DLG2: variants seen among roughly 807,000 people sequenced by gnomAD.
DLG2 encodes the protein discs large MAGUK scaffold protein 2, also known as disks large homolog 2.
Under a neutral mutation model 132.5 loss-of-function variants are expected in DLG2, and 45 were observed. That is an observed-to-expected ratio of 0.34 (90% CI 0.27 to 0.44). The LOEUF is 0.44. Ranked by LOEUF, DLG2 falls within the 20% of genes least tolerant of loss-of-function variation. The pLI is 1.00. For missense variants in DLG2, 1,045 were observed against 1,196.9 expected (o/e 0.87, Z 1.87); for synonymous variants, 424 against 419.6 (o/e 1.01, Z -0.13).
chr11:83,522,814 C>A (rs28617697), intron 21 of DLG2, among the ~76,000 whole-genome samples: 28 of 94,084 alleles, frequency 3.0e-4, no homozygotes, highest in South Asian at 1.9e-3. Flanking sequence ...GCCCCCCCCC[C>A]CTTTTTTTTT....
chr11:85,390,138 C>T (rs1299210564), intron 3 of DLG2, among the ~76,000 whole-genome samples: 2 of 152,002 alleles, frequency 1.3e-5, no homozygotes, highest in East Asian at 1.9e-4. Flanking sequence ...CTCACATAAA[C>T]TTAAGGTAAA....
intron 6 of DLG2, among the ~76,000 whole-genome samples, chr11:84,933,199 T>C (rs1566437798): frequency 1.3e-5 from 2 of 152,128 alleles, no homozygotes; most frequent in South Asian, 4.1e-4. Context: ...GTCTTATTTC[T>C]AGGTTCTATT....
At chr11:83,999,060 C>A (rs2094196684) in intron 11 of DLG2, among the ~76,000 whole-genome samples, 3 of 152,308 alleles carry the variant, frequency 2.0e-5, no homozygotes, top group African/African-American at 7.2e-5. Flanking sequence ...GTCCAACCTT[C>A]CACAGTGGCA....
chr11:85,066,534 A>AAAT (rs1468820315), intron 6 of DLG2, among the ~76,000 whole-genome samples: 1 of 151,796 alleles, frequency 6.6e-6, no homozygotes, highest in East Asian at 1.9e-4. Flanking sequence ...ATAGAGGCAA[A>AAAT]AATTCTCAAC....
At chr11:85,231,946 G>A (rs1245714361) in intron 4 of DLG2, among the ~76,000 whole-genome samples, 2 of 151,556 alleles carry the variant, frequency 1.3e-5, no homozygotes, top group Middle Eastern at 3.2e-3. Flanking sequence ...CTGCACTCAC[G>A]CATCTTATTG....
intron 7 of DLG2, among the ~76,000 whole-genome samples, chr11:84,455,213 C>G (rs1391402695): frequency 6.6e-6 from 1 of 151,354 alleles, no homozygotes; most frequent in African/African-American, 2.4e-5. Context: ...AAATTTCACA[C>G]CTGTCCATTT....
At chr11:83,813,828 G>A (rs2048054519) in intron 17 of DLG2, among the ~76,000 whole-genome samples, 1 of 151,966 alleles carries the variant, frequency 6.6e-6, no homozygotes, top group South Asian at 2.1e-4. Flanking sequence ...ATCCTTCCAG[G>A]TGCGAAATGT....
intron 3 of DLG2, among the ~76,000 whole-genome samples, chr11:85,430,829 A>T (rs1380988816): frequency 7.0e-6 from 1 of 143,344 alleles, no homozygotes; most frequent in Non-Finnish European, 1.5e-5. Flanking sequence ...AGTTTTTTCT[A>T]ATGGAAAAGC....
intron 3 of DLG2, among the ~76,000 whole-genome samples, chr11:85,418,443 A>C (rs1431737969): frequency 6.6e-6 from 1 of 152,180 alleles, no homozygotes; most frequent in Non-Finnish European, 1.5e-5. Context: ...AGAGTTTTTT[A>C]GATGTCTATT....
At chr11:85,415,510 C>G (rs1335008828) in intron 3 of DLG2, among the ~76,000 whole-genome samples, 3 of 152,190 alleles carry the variant, frequency 2.0e-5, no homozygotes, top group African/African-American at 7.2e-5. Flanking sequence ...TCCACATCCT[C>G]TCCAGAATCT....
intron 3 of DLG2, among the ~76,000 whole-genome samples, chr11:85,420,807 G>C (rs2090238331): frequency 6.6e-6 from 1 of 152,110 alleles, no homozygotes; most frequent in Admixed American, 6.5e-5. Context: ...GAGCATCCCA[G>C]GTTGACTTCA....
rs112223006 is a variant in DLG2 at position 83,880,546 on chromosome 11, AG to A, written c.1497-6059del. Among the ~76,000 whole-genome samples the A allele has an allele frequency of 4.2e-3, 642 of 152,266 alleles. 7 individuals carry two copies. The highest frequency in any genetic ancestry group is 0.014 in the African/African-American group (582 of 41,540). On this transcript the variant is annotated intron_variant, in intron 15 of 27. Coordinates refer to ENST00000376104, the MANE Select transcript of DLG2 (RefSeq NM_001142699.3). ...GCCCTGTTTTTCCCAGGGTATAGGAAGAGTTGTGCTCTCTTCTGTGACTTTT... is the reference window on the plus strand; with the variant it reads ...GCCCTGTTTTTCCCAGGGTATAGGAAAGTTGTGCTCTCTTCTGTGACTTTT...
chr11:84,432,828 G>C (rs2098988783), intron 7 of DLG2, among the ~76,000 whole-genome samples: 1 of 152,076 alleles, frequency 6.6e-6, no homozygotes, highest in African/African-American at 2.4e-5. Flanking sequence ...TTCGAGACCA[G>C]CCTGGGCAAC....
intron 6 of DLG2, among the ~76,000 whole-genome samples, chr11:84,983,619 A>T (rs952066324): frequency 2.0e-5 from 3 of 152,224 alleles, no homozygotes; most frequent in African/African-American, 7.2e-5. Context: ...CACACAAGCT[A>T]ACCAGCCATG....
At chr11:85,025,728 T>A (rs1341483652) in intron 6 of DLG2, among the ~76,000 whole-genome samples, 2 of 152,288 alleles carry the variant, frequency 1.3e-5, no homozygotes, top group Admixed American at 6.5e-5. Context: ...TAAGAAGGTT[T>A]TGTCTATTCA....
chr11:84,863,175 G>A (rs757869960), intron 6 of DLG2, among the ~76,000 whole-genome samples: 54 of 151,826 alleles, frequency 3.6e-4, no homozygotes, highest in Non-Finnish European at 6.5e-4. Flanking sequence ...CTGTTTATGC[G>A]GCTGCAAAAG....
intron 3 of DLG2, among the ~76,000 whole-genome samples, chr11:85,400,483 G>A (rs1353295758): frequency 4.0e-5 from 6 of 149,240 alleles, no homozygotes; most frequent in African/African-American, 7.5e-5. Context: ...ACATGCACAC[G>A]TATGTTTATT....
At position 83,456,071 on chromosome 11, in the gene DLG2, T is replaced by A. The variant is rs1172621553; in HGVS notation, c.*3747A>T. 6.5e-6 allele frequency: 1 copy of A among 152,680 alleles called. No homozygotes were observed. Among genetic ancestry groups the A allele is most frequent in the East Asian group, 1.9e-4 (1 of 5,200 alleles). The allele number at this position is 152,680 out of a possible 1,614,324, so 9.5% of individuals were successfully genotyped here. A position where few individuals can be genotyped will look rare whatever the true frequency, so the allele number is the denominator to read the frequency against. ...AAAGCTTATGAATGGGAAAAAAATGTCTCTCTCCAAACCAAGGTGATGGCA... is the reference window on the plus strand; with the variant it reads ...AAAGCTTATGAATGGGAAAAAAATGACTCTCTCCAAACCAAGGTGATGGCA... On this transcript the variant is annotated 3_prime_UTR_variant, in exon 28 of 28. Transcript: ENST00000376104.
intron 18 of DLG2, among the ~76,000 whole-genome samples, chr11:83,656,104 G>A (rs1020284312): frequency 6.6e-6 from 1 of 152,160 alleles, no homozygotes; most frequent in African/African-American, 2.4e-5. Flanking sequence ...AGCACTTGCT[G>A]GTTTTGCAGA....
Sources: allele counts gnomAD v4.1 joint callset (sites outside exome capture counted in the v4.1 genomes callset), GRCh38; gene constraint gnomAD v4.1.1; transcripts MANE v1.5; gene names NCBI Gene and HGNC (gene_info 2026-07-23, HGNC 2026-07-21).